Variants in ACSS3 observed in about 807,000 individuals in gnomAD.
ACSS3 encodes the protein acyl-CoA synthetase short chain family member 3.
In ACSS3, 64 loss-of-function variants were observed where a neutral mutation model predicts 84.2. The observed-to-expected ratio is 0.76, with a 90% confidence interval of 0.62 to 0.94. ACSS3 has a LOEUF of 0.94. Among genes scored for constraint, ACSS3 ranks in the 40% least tolerant of loss-of-function variants. The pLI is 0.00. For synonymous variants in ACSS3, 317 were observed against 310.1 expected (o/e 1.02, Z -0.23); for missense variants, 815 against 867.6 (o/e 0.94, Z 0.76).
At chr12:81,156,239 G>C (rs1182412711) in intron 7 of ACSS3, among the ~76,000 whole-genome samples, 1 of 149,536 alleles carries the variant, frequency 6.7e-6, no homozygotes, top group African/African-American at 2.4e-5. Flanking sequence ...ACGTCTCTGG[G>C]TGTATATATC....
In ACSS3 at chr12:81,179,537, C is replaced by G. The variant is rs2030767898; in HGVS notation, c.1250+4598C>G. Among the ~76,000 whole-genome samples the G allele has an allele frequency of 9.9e-5, 15 of 152,062 alleles. No individual in the cohort carries two copies. In the South Asian group the frequency reaches 3.1e-3, roughly 31 times the overall value. Reference sequence around the variant, plus strand: ...TGGGCTCACGCTTGTAATCCCAGCACTTTGGGAGGCCGAGGTGGGCAGATC... The same window carrying G: ...TGGGCTCACGCTTGTAATCCCAGCAGTTTGGGAGGCCGAGGTGGGCAGATC... On this transcript the variant is annotated intron_variant, in intron 8 of 15. Transcript: ENST00000548058.
At chr12:81,157,534 C>T (rs764128292) in intron 7 of ACSS3, among the ~76,000 whole-genome samples, 12 of 152,138 alleles carry the variant, frequency 7.9e-5, no homozygotes, top group East Asian at 5.8e-4. Flanking sequence ...GGAAGCTGGG[C>T]GCGGTGGCTC....
intron 7 of ACSS3, among the ~76,000 whole-genome samples, chr12:81,157,885 T>C (rs1013834439): frequency 6.6e-6 from 1 of 151,962 alleles, no homozygotes. Flanking sequence ...AATAAAATTG[T>C]CTTTATTTGC....
chr12:81,166,017 A>G (rs1279774698), intron 7 of ACSS3, among the ~76,000 whole-genome samples: 2 of 152,218 alleles, frequency 1.3e-5, no homozygotes, highest in African/African-American at 2.4e-5. Context: ...TGTAGAAACT[A>G]AGAACAGAGA....
At chr12:81,136,983 C>T (rs1356378960) in intron 3 of ACSS3, among the ~76,000 whole-genome samples, 1 of 152,036 alleles carries the variant, frequency 6.6e-6, no homozygotes, top group Non-Finnish European at 1.5e-5. Flanking sequence ...CAAGATGAGA[C>T]ATTCTTAATG....
chr12:81,161,583 C>A (rs546621628), intron 7 of ACSS3, among the ~76,000 whole-genome samples: 34 of 152,296 alleles, frequency 2.2e-4, no homozygotes, highest in African/African-American at 7.7e-4. Flanking sequence ...AATTCATAGA[C>A]AGAATGGAGA....
At position 81,098,442 on chromosome 12, in the gene ACSS3, C is replaced by T. The variant is rs12311619; in HGVS notation, c.312-11118C>T. 1.2e-3 allele frequency among the ~76,000 whole-genome samples: 179 copies of T among 152,210 alleles called. 1 individual carries two copies. Among genetic ancestry groups the T allele is most frequent in the African/African-American group, 4.0e-3 (166 of 41,534 alleles). On this transcript the variant is annotated intron_variant, in intron 1 of 15. Transcript: ENST00000548058. ...CCAGAAATATGCCCTAGGAACTTAA[C>T]ACTTGTTTATATCAATTAGCCTGTG... is the stretch of plus-strand genomic sequence containing the variant.
Position 81,234,673 on chromosome 12 carries a change from C to A in ACSS3, c.1719+1202C>A, listed in dbSNP as rs375203755. Among the ~76,000 whole-genome samples the A allele has an allele frequency of 2.6e-5, 4 of 151,496 alleles. No individual in the cohort carries two copies. The East Asian group carries it at 5.8e-4, about 22-fold the overall frequency. On this transcript the variant is annotated intron_variant, in intron 13 of 15. Coordinates refer to ENST00000548058, the MANE Select transcript of ACSS3 (RefSeq NM_024560.4). Reference sequence around the variant, plus strand: ...GTGATATTGAGCATCTTTTCACAAGCTTATTTGCCATCCATATACCTTTTT... The same window carrying A: ...GTGATATTGAGCATCTTTTCACAAGATTATTTGCCATCCATATACCTTTTT...
chr12:81,106,305 A>G (rs1882993205), intron 1 of ACSS3, among the ~76,000 whole-genome samples: 1 of 152,210 alleles, frequency 6.6e-6, no homozygotes, highest in Non-Finnish European at 1.5e-5. Flanking sequence ...TGAGGAATCT[A>G]GGTTGCATTC....
intron 1 of ACSS3, among the ~76,000 whole-genome samples, chr12:81,093,556 A>T (rs1356438373): frequency 6.6e-6 from 1 of 151,698 alleles, no homozygotes; most frequent in African/African-American, 2.4e-5. Flanking sequence ...AATTAGGTAA[A>T]TGCAGGAAAG....
intron 2 of ACSS3, among the ~76,000 whole-genome samples, chr12:81,122,823 T>C (rs980352241): frequency 2.6e-5 from 4 of 152,208 alleles, no homozygotes; most frequent in Non-Finnish European, 4.4e-5. Flanking sequence ...TTATATGTAA[T>C]AAAGCTTTCT....
chr12:81,162,043 C>T (rs574219080), intron 7 of ACSS3, among the ~76,000 whole-genome samples: 1 of 152,294 alleles, frequency 6.6e-6, no homozygotes, highest in Admixed American at 6.5e-5. Flanking sequence ...TCCTTCTTGT[C>T]ACCCATAACA....
At chr12:81,126,278 A>G (rs1885089815) in intron 2 of ACSS3, among the ~76,000 whole-genome samples, 1 of 152,220 alleles carries the variant, frequency 6.6e-6, no homozygotes, top group African/African-American at 2.4e-5. Context: ...CAATTACCCA[A>G]TTATTAATGT....
intron 2 of ACSS3, 55 bp downstream of exon 2, chr12:81,109,759 A>C: frequency 1.5e-6 from 2 of 1,357,762 alleles, no homozygotes; most frequent in Non-Finnish European, 2.0e-6. Context: ...AATTACTTAA[A>C]TAGCATACAT....
chr12:81,157,946 A>ACACACACACACACACACACACC, intron 7 of ACSS3, among the ~76,000 whole-genome samples: 1 of 151,792 alleles, frequency 6.6e-6, no homozygotes, highest in East Asian at 1.9e-4. Context: ...ACACACACAC[A>ACACACACACACACACACACACC]CACACACACA....
At position 81,256,302 on chromosome 12, in the gene ACSS3, A is replaced by C. The variant is rs1565748721; in HGVS notation, c.*1380A>C. Reference sequence around the variant, plus strand: ...CTAATTTTAAAATAATAACTCATTAAAAATATTGTAATGTCCAAAAGTATC... The same window carrying C: ...CTAATTTTAAAATAATAACTCATTACAAATATTGTAATGTCCAAAAGTATC... On this transcript the variant is annotated 3_prime_UTR_variant, in exon 16 of 16. Coordinates refer to ENST00000548058, the MANE Select transcript of ACSS3 (RefSeq NM_024560.4). 1 of 152,218 alleles carries C rather than the reference A, an allele frequency of 6.6e-6. No individual in the cohort carries two copies. Among genetic ancestry groups the C allele is most frequent in the Non-Finnish European group, 1.5e-5 (1 of 68,042 alleles). The allele number at this position is 152,218 out of a possible 1,614,324, so 9.4% of individuals were successfully genotyped here. A position where few individuals can be genotyped will look rare whatever the true frequency, so the allele number is the denominator to read the frequency against.
At chr12:81,143,081 C>T (rs1886168604) in intron 4 of ACSS3, 26 bp from the exon 5 acceptor site, 1 of 1,602,984 alleles carries the variant, frequency 6.2e-7, no homozygotes, top group Non-Finnish European at 8.5e-7. Flanking sequence ...TATTACAGTA[C>T]ATATTCTTAT....
chr12:81,077,922 G>A, upstream of ACSS3: 1 of 560,246 alleles, frequency 1.8e-6, no homozygotes, highest in Non-Finnish European at 2.9e-6. Context: ...CCCCTGTCCC[G>A]GGGCCCCCAC....
intron 13 of ACSS3, among the ~76,000 whole-genome samples, chr12:81,249,507 CTATT>C (rs1050135038): frequency 3.3e-4 from 50 of 152,090 alleles, no homozygotes; most frequent in African/African-American, 1.2e-3. Context: ...CAAAGTGTCA[CTATT>C]TGTTTTCCAA....
Sources: allele counts gnomAD v4.1 joint callset (sites outside exome capture counted in the v4.1 genomes callset), GRCh38; gene constraint gnomAD v4.1.1; transcripts MANE v1.5; gene names NCBI Gene and HGNC (gene_info 2026-07-23, HGNC 2026-07-21).